ZNF699: variants seen among roughly 807,000 people sequenced by gnomAD.
ZNF699 encodes zinc finger protein 699, also known as hangover homolog.
In ZNF699, 18 loss-of-function variants were observed where a neutral mutation model predicts 22.5. That is an observed-to-expected ratio of 0.80 (90% CI 0.55 to 1.19). The LOEUF is 1.19. ZNF699 is among the 50% of genes most tolerant of loss of function. ZNF699 has a pLI of 0.00. For missense variants in ZNF699, 670 were observed against 763.4 expected, an observed-to-expected ratio of 0.88 and a Z score of 1.44; for synonymous variants, 241 against 262.3, an observed-to-expected ratio of 0.92 and a Z score of 0.78.
rs1032366609 is a variant in ZNF699 at position 9,309,617 on chromosome 19, C to G, written c.-273G>C. 1 of 152,456 alleles carries G rather than the reference C, an allele frequency of 6.6e-6. No individual in the cohort carries two copies. The highest frequency in any genetic ancestry group is 2.4e-5 in the African/African-American group (1 of 41,462). The allele number at this position is 152,456 out of a possible 1,614,324, so 9.4% of individuals were successfully genotyped here. On this transcript the variant is annotated 5_prime_UTR_variant, in exon 1 of 6. Coordinates refer to ENST00000591998, the MANE Select transcript of ZNF699 (RefSeq NM_198535.3). Reference sequence around the variant, plus strand: ...TGACCCGGGCTCTCTGAGGAGGCGCCGCGGCGGCGGGAGGCCCCGGGCGCG... The same window carrying G: ...TGACCCGGGCTCTCTGAGGAGGCGCGGCGGCGGCGGGAGGCCCCGGGCGCG...
At chr19:9,305,993 C>T (rs569412740) in intron 1 of ZNF699, among the ~76,000 whole-genome samples, 5 of 151,180 alleles carry the variant, frequency 3.3e-5, no homozygotes, top group South Asian at 2.1e-4. Context: ...TGAGCCACCG[C>T]GCCTGGCCAA....
intron 2 of ZNF699, 104 bp from the exon 3 acceptor site, chr19:9,302,608 G>A: frequency 7.7e-7 from 1 of 1,295,932 alleles, no homozygotes; most frequent in Non-Finnish European, 1.1e-6. Context: ...TCAATTCATA[G>A]GAAGTTCAGA....
In ZNF699 at chr19:9,294,559, A is replaced by G. The variant is rs2066277891; in HGVS notation, c.*916T>C. ...TCTGTCTGATGGCCCCACTAAACATAGCATAACAGCTTTTTCTTCCCTTAT... is the reference window on the plus strand; with the variant it reads ...TCTGTCTGATGGCCCCACTAAACATGGCATAACAGCTTTTTCTTCCCTTAT... On this transcript the variant is annotated 3_prime_UTR_variant, in exon 6 of 6. Transcript: ENST00000591998. 6.6e-6 allele frequency: 1 copy of G among 152,206 alleles called. No homozygotes were observed. Among genetic ancestry groups the G allele is most frequent in the Admixed American group, 6.5e-5 (1 of 15,282 alleles). The allele number at this position is 152,206 out of a possible 1,614,324, so 9.4% of individuals were successfully genotyped here.
rs2066264597 is a variant in ZNF699 at position 9,291,205 on chromosome 19, A to G, written c.*4270T>C. Among the ~76,000 whole-genome samples, 1 of 152,230 alleles carries G rather than the reference A, an allele frequency of 6.6e-6. No individual in the cohort carries two copies. Among genetic ancestry groups the G allele is most frequent in the Non-Finnish European group, 1.5e-5 (1 of 68,036 alleles). Reference sequence around the variant, plus strand: ...CATCAACTGGAAAACTCGATATTGTAAAGATGTCAATTATCCTCAGGTTAT... The same window carrying G: ...CATCAACTGGAAAACTCGATATTGTGAAGATGTCAATTATCCTCAGGTTAT... On this transcript the variant is annotated 3_prime_UTR_variant, in exon 6 of 6. Coordinates refer to ENST00000591998, the MANE Select transcript of ZNF699 (RefSeq NM_198535.3).
In ZNF699 at chr19:9,295,472, C is replaced by A. The variant is rs1156812621; in HGVS notation, c.*3G>T. 6.2e-7 allele frequency: 1 copy of A among 1,601,490 alleles called. No individual in the cohort carries two copies. The highest frequency in any genetic ancestry group is 2.2e-5 in the East Asian group (1 of 44,784). On this transcript the variant is annotated 3_prime_UTR_variant, in exon 6 of 6. Coordinates refer to ENST00000591998, the MANE Select transcript of ZNF699 (RefSeq NM_198535.3). The stretch of plus-strand genomic sequence containing the variant: ...TTTGCAGACATTCCCATATTCCTTA[C>A]ATTTATATGTTTTCTCTAGTGTGAG...
rs1168815523 is a variant in ZNF699 at position 9,293,179 on chromosome 19, G to C, written c.*2296C>G. Among the ~76,000 whole-genome samples, 3 of 146,016 alleles carry C rather than the reference G, an allele frequency of 2.1e-5. No homozygotes were observed. Among genetic ancestry groups the C allele is most frequent in the African/African-American group, 8.1e-5 (3 of 37,040 alleles). ...CATAAATGGATGAAATGTTTCAACA[G>C]GTGCCCTCAAAAAAAAAAAAAATCC... On this transcript the variant is annotated 3_prime_UTR_variant, in exon 6 of 6. Coordinates refer to ENST00000591998, the MANE Select transcript of ZNF699 (RefSeq NM_198535.3).
intron 2 of ZNF699, among the ~76,000 whole-genome samples, chr19:9,303,013 A>C (rs934314847): frequency 6.6e-6 from 1 of 151,956 alleles, no homozygotes; most frequent in African/African-American, 2.4e-5. Context: ...GGACAAAAAA[A>C]AACAAAAACA....
intron 2 of ZNF699, among the ~76,000 whole-genome samples, chr19:9,302,886 C>A (rs1174238810): frequency 6.6e-6 from 1 of 151,866 alleles, no homozygotes; most frequent in South Asian, 2.1e-4. Context: ...AATAGCTGGG[C>A]GTGGTGGCAT....
At chr19:9,300,313 C>A (rs1396120326) in intron 3 of ZNF699, among the ~76,000 whole-genome samples, 2 of 152,172 alleles carry the variant, frequency 1.3e-5, no homozygotes, top group African/African-American at 4.8e-5. Flanking sequence ...ATCTCCTGAC[C>A]TCGTGATCCA....
rs2066284413 is a variant in ZNF699 at position 9,296,010 on chromosome 19, T to C, written c.1394A>G (p.His465Arg). ...AFSCPSSFRA[H>R]VRDHTGKIQY... The stretch of plus-strand genomic sequence containing the variant: ...TATCTTTCCAGTGTGATCTCTCACA[T>C]GTGCTCTAAAGGACGAGGGACAACT... The change falls in exon 6 of 6, where the codon CAT (histidine) becomes CGT (arginine). Residue 465 changes from histidine to arginine, a missense_variant. By Grantham distance (29) the His-to-Arg change is conservative. Transcript: ENST00000591998. 6.2e-6 allele frequency: 10 copies of C among 1,614,192 alleles called. No homozygotes were observed. The African/African-American group carries it at 9.3e-5, about 15-fold the overall frequency.
chr19:9,299,477 T>C (rs2066299396), intron 3 of ZNF699, among the ~76,000 whole-genome samples: 1 of 152,038 alleles, frequency 6.6e-6, no homozygotes, highest in African/African-American at 2.4e-5. Context: ...TCTCACTTTA[T>C]CACCCAGGCT....
chr19:9,309,136 CTTTT>C (rs61471638), intron 1 of ZNF699, among the ~76,000 whole-genome samples: 1 of 104,844 alleles, frequency 9.5e-6, no homozygotes, highest in Non-Finnish European at 1.9e-5. Context: ...TTTTATTTTA[CTTTT>C]TTTTTTTTTT....
rs2066279417 is a variant in ZNF699, at chr19:9,295,049, T to A, written c.*426A>T. On this transcript the variant is annotated 3_prime_UTR_variant, in exon 6 of 6. Coordinates refer to ENST00000591998, the MANE Select transcript of ZNF699 (RefSeq NM_198535.3). ...TTTTAAAAAAGACCACTGCTGCCTA[T>A]ACAGAAAAAATATTTCGTGTCCTCC... is the stretch of plus-strand genomic sequence containing the variant. The A allele has an allele frequency of 1.8e-5, 3 of 165,482 alleles. No homozygotes were observed. The highest frequency in any genetic ancestry group is 1.8e-4 in the Admixed American group (3 of 16,642). The allele number at this position is 165,482 out of a possible 1,614,324, so 10.3% of individuals were successfully genotyped here.
At chr19:9,304,921 CAAAAA>C (rs34867149) in intron 2 of ZNF699, 146 bp downstream of exon 2, 27 of 305,532 alleles carry the variant, frequency 8.8e-5, no homozygotes, top group Non-Finnish European at 1.1e-4. Flanking sequence ...GACTCTGTCT[CAAAAA>C]AAAAAAAAAA....
chr19:9,305,598 C>T (rs1599254743), intron 1 of ZNF699, among the ~76,000 whole-genome samples: 1 of 152,218 alleles, frequency 6.6e-6, no homozygotes, highest in Admixed American at 6.5e-5. Context: ...ATATTTCTTA[C>T]TTCTGCACCC....
rs182672776 is a variant in ZNF699, at chr19:9,293,359, G to A, written c.*2116C>T. 3.3e-5 allele frequency among the ~76,000 whole-genome samples: 5 copies of A among 152,148 alleles called. No individual in the cohort carries two copies. The highest frequency in any genetic ancestry group is 2.1e-4 in the South Asian group (1 of 4,818). ...TGTTTTGGGGATTATTCGTGGAATC[G>A]ATATTTTTTGAAAACTGCAATACCT... On this transcript the variant is annotated 3_prime_UTR_variant, in exon 6 of 6. Coordinates refer to ENST00000591998, the MANE Select transcript of ZNF699 (RefSeq NM_198535.3).
chr19:9,296,251 G>A lies in ZNF699; in HGVS notation c.1153C>T (p.His385Tyr). 2.5e-6 allele frequency: 4 copies of A among 1,614,060 alleles called. No individual in the cohort carries two copies. The highest frequency in any genetic ancestry group is 3.4e-6 in the Non-Finnish European group (4 of 1,180,004). ...SSKLTVHGRT[H>Y]TGEKPYKCKE... Reference sequence around the variant, plus strand: ...CATTTATAGGGTTTCTCTCCAGTATGTGTCCTCCCATGTACAGTGAGTTTT... The same window carrying A: ...CATTTATAGGGTTTCTCTCCAGTATATGTCCTCCCATGTACAGTGAGTTTT... The change falls in exon 6 of 6, where the codon CAT (histidine) becomes TAT (tyrosine). Residue 385 changes from histidine to tyrosine, a missense_variant. Coordinates refer to ENST00000591998, the MANE Select transcript of ZNF699 (RefSeq NM_198535.3).
rs899239333 is a variant in ZNF699 at position 9,291,615 on chromosome 19, G to A, written c.*3860C>T. On this transcript the variant is annotated 3_prime_UTR_variant, in exon 6 of 6. Coordinates refer to ENST00000591998, the MANE Select transcript of ZNF699 (RefSeq NM_198535.3). ...AGAATCTAGAAGGAAACATAGGAGA[G>A]TAGATTCATTATCTTGGTCCAGGCA... The A allele has an allele frequency of 6.6e-6, 1 of 151,210 alleles. No homozygotes were observed. The highest frequency in any genetic ancestry group is 1.5e-5 in the Non-Finnish European group (1 of 67,882). 9.4% of individuals were successfully genotyped at this position (151,210 alleles called of 1,614,324 possible).
rs568933900 is a variant in ZNF699 at position 9,303,013 on chromosome 19, A to AC, written c.49-510_49-509insG. On this transcript the variant is annotated intron_variant, in intron 2 of 5. Coordinates refer to ENST00000591998, the MANE Select transcript of ZNF699 (RefSeq NM_198535.3). Reference sequence around the variant, plus strand: ...ACTGCACTCTAGCCTGGACAAAAAAAAACAAAAACAAAAACAAAAAAACAT... The same window carrying AC: ...ACTGCACTCTAGCCTGGACAAAAAAACAACAAAAACAAAAACAAAAAAACAT... Among the ~76,000 whole-genome samples, 1,058 of 152,066 alleles carry AC rather than the reference A, an allele frequency of 7.0e-3. 7 individuals carry two copies. Among genetic ancestry groups the AC allele is most frequent in the African/African-American group, 0.024 (997 of 41,438 alleles).
Sources: gnomAD v4.1 joint callset for allele counts (sites outside exome capture counted in the v4.1 genomes callset) on GRCh38, gnomAD v4.1.1 for gene constraint, MANE v1.5 for transcripts, NCBI Gene and HGNC (gene_info 2026-07-23, HGNC 2026-07-21) for gene names.